The following DCDC1 variants were observed in gnomAD, a reference collection of about 807,000 sequenced individuals.
The protein encoded by DCDC1 is doublecortin domain-containing protein 1.
A neutral mutation model predicts 178.3 loss-of-function variants in DCDC1; 200 were observed. The ratio of observed to expected loss-of-function variants is 1.12; its 90% CI spans 1.00 to 1.26. The LOEUF is 1.26. Ranked by LOEUF, DCDC1 falls within the 50% of genes most tolerant of loss-of-function variation. DCDC1 has a pLI of 0.00. For synonymous variants in DCDC1, 690 were observed against 604.8 expected, an observed-to-expected ratio of 1.14 and a Z score of -2.07; for missense variants, 1,983 against 1,749.2, an observed-to-expected ratio of 1.13 and a Z score of -2.38.
At chr11:31,131,188 C>CAAAAAAA (rs565349028) in intron 10 of DCDC1, among the ~76,000 whole-genome samples, 1 of 21,556 alleles carries the variant, frequency 4.6e-5, no homozygotes, top group Admixed American at 4.4e-4. Context: ...GACTCCGTCT[C>CAAAAAAA]AAAAAAAAAA....
chr11:31,057,692 C>T (rs1440994165), intron 20 of DCDC1, among the ~76,000 whole-genome samples: 2 of 151,890 alleles, frequency 1.3e-5, no homozygotes, highest in East Asian at 3.9e-4. Flanking sequence ...TAGCATGGGC[C>T]AAGTACAATC....
intron 9 of DCDC1, among the ~76,000 whole-genome samples, chr11:31,197,967 T>C (rs1007528874): frequency 3.7e-4 from 56 of 152,056 alleles, no homozygotes; most frequent in African/African-American, 1.4e-3. Context: ...CCATGAAAAC[T>C]GGTTGATATA....
Position 31,132,633 on chromosome 11 carries a change from G to T in DCDC1, c.1315-4994C>A, listed in dbSNP as rs534140551. Among the ~76,000 whole-genome samples, 29 of 152,178 alleles carry T rather than the reference G, an allele frequency of 1.9e-4. No homozygotes were observed. In the South Asian group the frequency reaches 4.8e-3, roughly 25 times the overall value. Reference sequence around the variant, plus strand: ...TCATAATTCAATCTATGTGTGTGTGGGGGCATCCATGTGGAAACATAGAGG... The same window carrying T: ...TCATAATTCAATCTATGTGTGTGTGTGGGCATCCATGTGGAAACATAGAGG... On this transcript the variant is annotated intron_variant, in intron 10 of 38. Transcript: ENST00000684477.
At position 31,211,705 on chromosome 11, in the gene DCDC1, G is replaced by A. The variant is rs187771752; in HGVS notation, c.1221+29745C>T. Reference sequence around the variant, plus strand: ...ATTTTCTGCTACTCTACATAATGTAGACTCTATAAGCAGTTATAGTTTACG... The same window carrying A: ...ATTTTCTGCTACTCTACATAATGTAAACTCTATAAGCAGTTATAGTTTACG... On this transcript the variant is annotated intron_variant, in intron 9 of 38. Coordinates refer to ENST00000684477, the MANE Select transcript of DCDC1 (RefSeq NM_001387274.1). Among the ~76,000 whole-genome samples the A allele has an allele frequency of 1.1e-3, 165 of 152,150 alleles. 2 individuals carry two copies. The highest frequency in any genetic ancestry group is 3.6e-3 in the African/African-American group (151 of 41,506).
intron 6 of DCDC1, among the ~76,000 whole-genome samples, chr11:31,297,491 G>A (rs1328084470): frequency 6.6e-6 from 1 of 151,928 alleles, no homozygotes; most frequent in African/African-American, 2.4e-5. Context: ...GACAACAGGC[G>A]CGCACTACCG....
chr11:31,003,741 T>C (rs1385545555), intron 20 of DCDC1, among the ~76,000 whole-genome samples: 2 of 152,194 alleles, frequency 1.3e-5, no homozygotes, highest in Non-Finnish European at 1.5e-5. Flanking sequence ...GGATGGATCA[T>C]AGGACCATTA....
At chr11:31,243,955 G>T (rs1253073711) in intron 8 of DCDC1, among the ~76,000 whole-genome samples, 2 of 151,642 alleles carry the variant, frequency 1.3e-5, no homozygotes, top group Non-Finnish European at 3.0e-5. Context: ...GGATTAGAAG[G>T]CTCTTTCTTT....
intron 3 of DCDC1, among the ~76,000 whole-genome samples, chr11:31,322,119 T>C (rs1402458842): frequency 6.6e-6 from 1 of 152,242 alleles, no homozygotes; most frequent in Non-Finnish European, 1.5e-5. Context: ...TGATTTAAGA[T>C]GATTTCAGAT....
At chr11:30,914,805 C>T (rs1166931918) in intron 27 of DCDC1, among the ~76,000 whole-genome samples, 5 of 152,114 alleles carry the variant, frequency 3.3e-5, no homozygotes, top group African/African-American at 1.2e-4. Flanking sequence ...TTAATTTTAT[C>T]TGTAAATACT....
At chr11:31,214,339 C>A (rs1371610110) in intron 9 of DCDC1, among the ~76,000 whole-genome samples, 2 of 151,862 alleles carry the variant, frequency 1.3e-5, no homozygotes, top group Non-Finnish European at 2.9e-5. Context: ...AAATTATGAA[C>A]AACAATTTTT....
At chr11:30,916,115 C>T (rs1211592642) in intron 26 of DCDC1, among the ~76,000 whole-genome samples, 1 of 152,096 alleles carries the variant, frequency 6.6e-6, no homozygotes, top group Admixed American at 6.5e-5. Flanking sequence ...TGTTTCTTTC[C>T]TCTATCTACA....
At chr11:31,080,885 G>A (rs971907171) in intron 17 of DCDC1, among the ~76,000 whole-genome samples, 10 of 152,144 alleles carry the variant, frequency 6.6e-5, no homozygotes, top group East Asian at 5.8e-4. Context: ...CAAAGTATAC[G>A]ACATCTGCAA....
intron 18 of DCDC1, among the ~76,000 whole-genome samples, chr11:31,072,493 C>G (rs1206497723): frequency 6.6e-6 from 1 of 152,016 alleles, no homozygotes; most frequent in East Asian, 1.9e-4. Flanking sequence ...TTTGTTTGCA[C>G]ACTTATGAAG....
intron 9 of DCDC1, among the ~76,000 whole-genome samples, chr11:31,179,805 C>T (rs1033329642): frequency 1.3e-5 from 2 of 152,098 alleles, no homozygotes; most frequent in Non-Finnish European, 2.9e-5. Context: ...ACCCTGGTTT[C>T]AAAACCAGAC....
At chr11:31,283,119 C>T (rs937821171) in intron 7 of DCDC1, among the ~76,000 whole-genome samples, 1 of 152,116 alleles carries the variant, frequency 6.6e-6, no homozygotes, top group East Asian at 1.9e-4. Context: ...TTTCCATGAA[C>T]CAAGAACTCA....
chr11:30,947,301 C>A (rs1214807388), intron 21 of DCDC1, among the ~76,000 whole-genome samples: 2 of 152,080 alleles, frequency 1.3e-5, no homozygotes, highest in Non-Finnish European at 2.9e-5. Context: ...TGAAGCATTA[C>A]CTGACTTGAA....
At chr11:30,927,749 TCAA>T (rs1222990116) in intron 22 of DCDC1, among the ~76,000 whole-genome samples, 2 of 152,174 alleles carry the variant, frequency 1.3e-5, no homozygotes, top group East Asian at 1.9e-4. Flanking sequence ...CATGGAAAAA[TCAA>T]CAACAACAAA....
At chr11:31,110,457 T>C (rs1432371317) in intron 11 of DCDC1, 96 bp from the exon 12 acceptor site, 3 of 586,298 alleles carry the variant, frequency 5.1e-6, no homozygotes, top group African/African-American at 3.7e-5. Context: ...AGTCATCCTT[T>C]TTCATGGTAC....
At chr11:31,176,734 A>C (rs763876412) in intron 9 of DCDC1, among the ~76,000 whole-genome samples, 2 of 152,188 alleles carry the variant, frequency 1.3e-5, no homozygotes, top group Non-Finnish European at 2.9e-5. Flanking sequence ...GCCAGGAGAG[A>C]ATGGGATAAT....
Sources: allele counts gnomAD v4.1 joint callset (sites outside exome capture counted in the v4.1 genomes callset), GRCh38; gene constraint gnomAD v4.1.1; transcripts MANE v1.5; gene names NCBI Gene and HGNC (gene_info 2026-07-23, HGNC 2026-07-21).